GLIS1: variants seen among roughly 807,000 people sequenced by gnomAD.
GLIS1 encodes the protein GLIS family zinc finger 1, also known as zinc finger protein GLIS1.
Under a neutral mutation model 63.8 loss-of-function variants are expected in GLIS1, and 24 were observed. The observed-to-expected ratio is 0.38, with a 90% CI of 0.27 to 0.53. The LOEUF (loss-of-function observed/expected upper bound fraction) is 0.53, where lower values mean the gene tolerates loss of function less well. Ranked by LOEUF, GLIS1 falls within the 20% of genes least tolerant of loss-of-function variation. The probability of loss-of-function intolerance (pLI) is 0.85; values close to 1 mark genes in which losing one functional copy is unlikely to be tolerated. For missense variants in GLIS1, 1,036 were observed against 1,074.1 expected, an observed-to-expected ratio of 0.96 and a Z score of 0.50; for synonymous variants, 450 against 482.5, an observed-to-expected ratio of 0.93 and a Z score of 0.88.
chr1:53,522,993 T>TTTTC (rs1218629354), intron 6 of GLIS1, among the ~76,000 whole-genome samples: 7 of 148,772 alleles, frequency 4.7e-5, no homozygotes, highest in Admixed American at 6.6e-5. Context: ...TTTCTTTTTT[T>TTTTC]TTTTTTTTTT....
In GLIS1 at chr1:53,520,637, G is replaced by A; in HGVS notation, c.1723C>T (p.Pro575Ser). ...GGCGLGQELL[P>S]GVYPGSITPH... ...CCCTGCCTCCCCGCACACGTACCTG[G>A]GAGCAGCTCCTGGCCCAGGCCACAG... Residue 575 changes from proline (P) to serine (S), a missense_variant, in exon 7 of 11, where the codon CCA becomes TCA. Around this residue, in one of 3 missense-constraint regions of GLIS1, gnomAD observed 400 missense variants for 400.9 expected, o/e 1.00. Coordinates refer to ENST00000628545, the MANE Select transcript of GLIS1 (RefSeq NM_001367484.1). The A allele has an allele frequency of 6.2e-7, 1 of 1,607,296 alleles. No homozygotes were observed. The highest frequency in any genetic ancestry group is 8.5e-7 in the Non-Finnish European group (1 of 1,177,190).
chr1:53,596,367 TGA>T (rs1645255191), intron 3 of GLIS1, among the ~76,000 whole-genome samples: 1 of 152,156 alleles, frequency 6.6e-6, no homozygotes, highest in Non-Finnish European at 1.5e-5. Context: ...GAGGCAGGGC[TGA>T]GAGTTAGGAC....
At chr1:53,686,196 G>GGGTACTCAGT (rs1646335501) in intron 2 of GLIS1, among the ~76,000 whole-genome samples, 12 of 152,198 alleles carry the variant, frequency 7.9e-5, no homozygotes, top group Non-Finnish European at 1.6e-4. Flanking sequence ...TGACTGCCCT[G>GGGTACTCAGT]AAGCTGGGTA....
At chr1:53,669,377 C>T (rs1646127846) in intron 2 of GLIS1, among the ~76,000 whole-genome samples, 1 of 152,168 alleles carries the variant, frequency 6.6e-6, no homozygotes. Context: ...ACTACCAACA[C>T]AGGGCCTGGA....
intron 7 of GLIS1, among the ~76,000 whole-genome samples, chr1:53,518,210 C>T (rs374087571): frequency 3.9e-5 from 6 of 152,078 alleles, no homozygotes; most frequent in East Asian, 1.9e-4. Flanking sequence ...GGGCCAGCAC[C>T]GGGCCTGGCA....
In GLIS1 at chr1:53,509,960, G is replaced by C; in HGVS notation, c.1951C>G (p.Pro651Ala). The stretch of plus-strand genomic sequence containing the variant: ...CCCGGAGAATGGCTCTGAGAGGATG[G>C]GGGCAGCGGCGGTGGCCCCAGCCCC... ...LKGLGPPPLP[P>A]SSQSHSPGGQ... Residue 651 changes from proline (P) to alanine (A), a missense_variant, in exon 9 of 11, where the codon CCA becomes GCA. Pro to Ala is a conservative substitution (Grantham distance 27, BLOSUM62 -1). Coordinates refer to ENST00000628545, the MANE Select transcript of GLIS1 (RefSeq NM_001367484.1). 1.5e-6 allele frequency: 2 copies of C among 1,299,496 alleles called. No individual in the cohort carries two copies. Among genetic ancestry groups the C allele is most frequent in the Non-Finnish European group, 2.0e-6 (2 of 1,015,668 alleles). The allele number at this position is 1,299,496 out of a possible 1,614,324, so 80.5% of individuals were successfully genotyped here. A position where few individuals can be genotyped will look rare whatever the true frequency, so the allele number is the denominator to read the frequency against.
chr1:53,709,411 T>TACAC (rs57887584), intron 2 of GLIS1, among the ~76,000 whole-genome samples: 550 of 14,788 alleles, frequency 0.037, 5 homozygotes, highest in Middle Eastern at 0.056. Context: ...CATATATATA[T>TACAC]ACACACACAC....
chr1:53,560,649 T>C lies in GLIS1; in HGVS notation c.1321-30697A>G, dbSNP rs1018162884. ...GGCATCACTGGCTTTGCACTGCCTT[T>C]GGCAAACACTTGTTGCGGGCCGTGT... On this transcript the variant is annotated intron_variant, in intron 4 of 10. Coordinates refer to ENST00000628545, the MANE Select transcript of GLIS1 (RefSeq NM_001367484.1). The surrounding 1 kb of genome is among the most constrained non-coding windows in gnomAD (Gnocchi z 4.4). Among the ~76,000 whole-genome samples, 1 of 152,200 alleles carries C rather than the reference T, an allele frequency of 6.6e-6. No homozygotes were observed. Among genetic ancestry groups the C allele is most frequent in the African/African-American group, 2.4e-5 (1 of 41,450 alleles).
chr1:53,643,259 T>C (rs1645806642), intron 2 of GLIS1, among the ~76,000 whole-genome samples: 1 of 152,198 alleles, frequency 6.6e-6, no homozygotes, highest in Non-Finnish European at 1.5e-5. Context: ...AGCAGCTCTG[T>C]AAAGTTTTAA....
At chr1:53,727,257 TAC>T (rs1010967436) in intron 2 of GLIS1, among the ~76,000 whole-genome samples, 3 of 152,234 alleles carry the variant, frequency 2.0e-5, no homozygotes, top group Non-Finnish European at 4.4e-5. Flanking sequence ...TGGAAAGCTT[TAC>T]AGTTTACAAA....
At chr1:53,569,996 C>T (rs1264580562) in intron 4 of GLIS1, among the ~76,000 whole-genome samples, 2 of 151,876 alleles carry the variant, frequency 1.3e-5, no homozygotes, top group Non-Finnish European at 2.9e-5. Context: ...ATTCCCGTTC[C>T]CCCCAACCAA....
intron 2 of GLIS1, among the ~76,000 whole-genome samples, chr1:53,661,789 GAC>G (rs1268727732): frequency 1.3e-5 from 2 of 152,200 alleles, no homozygotes; most frequent in South Asian, 2.1e-4. Context: ...TGGTGGGACA[GAC>G]ACAACACTAC....
At chr1:53,732,903 C>T (rs561061236) in intron 2 of GLIS1, among the ~76,000 whole-genome samples, 1 of 151,920 alleles carries the variant, frequency 6.6e-6, no homozygotes, top group East Asian at 1.9e-4. Context: ...GTGTTGAAAA[C>T]AGAATTCTTT....
intron 2 of GLIS1, among the ~76,000 whole-genome samples, chr1:53,715,695 G>A (rs1345303670): frequency 6.6e-6 from 1 of 152,074 alleles, no homozygotes; most frequent in Non-Finnish European, 1.5e-5. Context: ...GGTGCAGGGA[G>A]ACAGCTAGGG....
chr1:53,619,118 C>G (rs370896753), intron 2 of GLIS1, among the ~76,000 whole-genome samples: 1 of 152,330 alleles, frequency 6.6e-6, no homozygotes, highest in South Asian at 2.1e-4. Context: ...TCCTCTGGCC[C>G]CAGCATTTGG....
intron 2 of GLIS1, among the ~76,000 whole-genome samples, chr1:53,675,463 A>G (rs912229405): frequency 6.6e-6 from 1 of 152,164 alleles, no homozygotes; most frequent in Non-Finnish European, 1.5e-5. Flanking sequence ...GCTCAGACCC[A>G]AATTAGGGCC....
At chr1:53,555,680 T>C (rs925882750) in intron 4 of GLIS1, among the ~76,000 whole-genome samples, 2 of 152,262 alleles carry the variant, frequency 1.3e-5, no homozygotes, top group African/African-American at 4.8e-5. Context: ...GTAACCCATA[T>C]ATACACCTAC....
At chr1:53,617,910 G>A (rs546599569) in intron 2 of GLIS1, among the ~76,000 whole-genome samples, 24 of 152,164 alleles carry the variant, frequency 1.6e-4, no homozygotes, top group Non-Finnish European at 3.5e-4. Context: ...GAGCAGGACT[G>A]TGTCTTGATT....
At chr1:53,618,207 A>G (rs1245105216) in intron 2 of GLIS1, among the ~76,000 whole-genome samples, 1 of 152,242 alleles carries the variant, frequency 6.6e-6, no homozygotes, top group African/African-American at 2.4e-5. Context: ...ACCCTTGCCC[A>G]TCCCAAAACT....
Sources: gnomAD v4.1 joint callset for allele counts (sites outside exome capture counted in the v4.1 genomes callset) on GRCh38, gnomAD v4.1.1 for gene constraint, gnomAD v4.1.1 regional missense constraint, Gnocchi (gnomAD v3.1) non-coding constraint, MANE v1.5 for transcripts, NCBI Gene and HGNC (gene_info 2026-07-23, HGNC 2026-07-21) for gene names.